Variants in CBFA2T3 observed in about 807,000 individuals in gnomAD.
CBFA2T3 encodes the protein CBFA2/RUNX1 partner transcriptional co-repressor 3, also known as transcriptional corepressor CBFA2T3.
Under a neutral mutation model 58.6 loss-of-function variants are expected in CBFA2T3, and 31 were observed. The observed-to-expected ratio is 0.53, with a 90% CI of 0.40 to 0.71. CBFA2T3 has a LOEUF of 0.71. Among genes scored for constraint, CBFA2T3 ranks in the 30% least tolerant of loss-of-function variants. The pLI is 0.00. For synonymous variants in CBFA2T3, 531 were observed against 421.9 expected (o/e 1.26, Z -3.17); for missense variants, 1,076 against 963.1 (o/e 1.12, Z -1.55).
At chr16:88,948,441 G>A (rs1296417222) in intron 1 of CBFA2T3, among the ~76,000 whole-genome samples, 1 of 152,230 alleles carries the variant, frequency 6.6e-6, no homozygotes, top group East Asian at 1.9e-4. Context: ...AGCAGGTTCT[G>A]CCTTGGCCGT....
At chr16:88,971,761 G>A (rs1019174779) in intron 1 of CBFA2T3, among the ~76,000 whole-genome samples, 4 of 152,230 alleles carry the variant, frequency 2.6e-5, no homozygotes, top group African/African-American at 9.7e-5. Flanking sequence ...GCCCCTGGCC[G>A]ACGTCTCCTC....
At chr16:88,967,487 C>T (rs762078611) in intron 1 of CBFA2T3, among the ~76,000 whole-genome samples, 26 of 152,220 alleles carry the variant, frequency 1.7e-4, no homozygotes, top group Middle Eastern at 3.4e-3. Flanking sequence ...CCCCATTTAC[C>T]GATGAGGAAG....
At chr16:88,898,855 T>A (rs1393638019) in intron 2 of CBFA2T3, among the ~76,000 whole-genome samples, 1 of 152,080 alleles carries the variant, frequency 6.6e-6, no homozygotes, top group African/African-American at 2.4e-5. Flanking sequence ...AGACCCAAAC[T>A]CTACTATATA....
chr16:88,920,733 A>G (rs1323049610), intron 1 of CBFA2T3, among the ~76,000 whole-genome samples: 1 of 152,190 alleles, frequency 6.6e-6, no homozygotes, highest in African/African-American at 2.4e-5. Context: ...GGGCAGCCAC[A>G]CCTGCCTGCT....
At chr16:88,941,336 G>A (rs1971723054) in intron 1 of CBFA2T3, 1 of 202,316 alleles carries the variant, frequency 4.9e-6, no homozygotes, top group Non-Finnish European at 8.6e-6. Context: ...CCGCGCGCTC[G>A]CCCGAGAGTC....
chr16:88,899,827 G>C (rs1371503865), intron 2 of CBFA2T3, among the ~76,000 whole-genome samples: 6 of 152,214 alleles, frequency 3.9e-5, no homozygotes, highest in Non-Finnish European at 4.4e-5. Flanking sequence ...GGTCCGTCCT[G>C]AGCGTTTCCT....
intron 5 of CBFA2T3, among the ~76,000 whole-genome samples, chr16:88,888,946 C>T (rs985059750): frequency 5.3e-5 from 8 of 151,680 alleles, no homozygotes; most frequent in East Asian, 2.0e-4. Context: ...GGGGCGTGGC[C>T]GGGGGACACC....
chr16:88,976,122 G>A (rs1972854461), intron 1 of CBFA2T3, among the ~76,000 whole-genome samples: 3 of 152,220 alleles, frequency 2.0e-5, no homozygotes, highest in Admixed American at 2.0e-4. Flanking sequence ...AGAAGGGCAG[G>A]CCCAGGTTCC....
chr16:88,956,356 C>G (rs1972220256), intron 1 of CBFA2T3, among the ~76,000 whole-genome samples: 1 of 152,274 alleles, frequency 6.6e-6, no homozygotes, highest in Admixed American at 6.5e-5. Context: ...CGCCGGGTCC[C>G]CGGGACACAG....
At chr16:88,964,875 G>GTCCA (rs1016667862) in intron 1 of CBFA2T3, among the ~76,000 whole-genome samples, 21 of 138,454 alleles carry the variant, frequency 1.5e-4, no homozygotes, top group South Asian at 4.7e-4. Flanking sequence ...CTATCCAACT[G>GTCCA]TCCATCCATC....
At chr16:88,898,916 C>A (rs1195620008) in intron 2 of CBFA2T3, among the ~76,000 whole-genome samples, 1 of 152,236 alleles carries the variant, frequency 6.6e-6, no homozygotes, top group Non-Finnish European at 1.5e-5. Context: ...GTGGCGCAGG[C>A]CACAGGAAGA....
chr16:88,975,184 T>TCC (rs1567644018), intron 1 of CBFA2T3, among the ~76,000 whole-genome samples: 11 of 64,742 alleles, frequency 1.7e-4, no homozygotes, highest in East Asian at 4.8e-4. Flanking sequence ...CTCCACATCT[T>TCC]TAGCCATGTC....
chr16:88,950,110 G>A (rs545092226), intron 1 of CBFA2T3: 29 of 448,282 alleles, frequency 6.5e-5, no homozygotes, highest in Non-Finnish European at 1.0e-4. Flanking sequence ...CTCCTCTCCC[G>A]TCTCTCTTCA....
chr16:88,890,701 G>GCTTC (rs1336620022), intron 5 of CBFA2T3, among the ~76,000 whole-genome samples: 1 of 141,998 alleles, frequency 7.0e-6, no homozygotes, highest in African/African-American at 2.8e-5. Context: ...GGAATCACTG[G>GCTTC]CTTCATTCAT....
chr16:88,948,796 G>A (rs930191008), intron 1 of CBFA2T3, among the ~76,000 whole-genome samples: 4 of 152,188 alleles, frequency 2.6e-5, no homozygotes, highest in Non-Finnish European at 4.4e-5. Context: ...CTACACATTT[G>A]CAATGTGGCT....
intron 1 of CBFA2T3, among the ~76,000 whole-genome samples, chr16:88,932,232 T>G (rs71372777): frequency 6.7e-5 from 3 of 45,006 alleles, no homozygotes; most frequent in Non-Finnish European, 1.3e-4. Context: ...CCCCCTCACA[T>G]GGCCCCCGCT....
intron 1 of CBFA2T3, among the ~76,000 whole-genome samples, chr16:88,919,272 A>G (rs1028413934): frequency 3.3e-5 from 5 of 152,186 alleles, no homozygotes; most frequent in Non-Finnish European, 7.3e-5. Context: ...AACCGGACAC[A>G]GCAGTAGGTA....
intron 1 of CBFA2T3, among the ~76,000 whole-genome samples, chr16:88,916,263 T>C (rs1970722049): frequency 6.6e-6 from 1 of 151,936 alleles, no homozygotes; most frequent in South Asian, 2.1e-4. Flanking sequence ...TGCGTGTGCA[T>C]GGCTGTGTCT....
chr16:88,948,489 G>A (rs1233716446), intron 1 of CBFA2T3, among the ~76,000 whole-genome samples: 1 of 152,240 alleles, frequency 6.6e-6, no homozygotes, highest in Non-Finnish European at 1.5e-5. Context: ...AGATGACGCG[G>A]CTTCAAGTTG....
Sources: allele counts gnomAD v4.1 joint callset (sites outside exome capture counted in the v4.1 genomes callset), GRCh38; gene constraint gnomAD v4.1.1; transcripts MANE v1.5; gene names NCBI Gene and HGNC (gene_info 2026-07-23, HGNC 2026-07-21).